Variants in CDK8 observed in about 807,000 individuals in gnomAD.
CDK8 encodes cyclin dependent kinase 8, also known as cyclin-dependent kinase 8.
Under a neutral mutation model 71.5 loss-of-function variants are expected in CDK8, and 29 were observed. The observed-to-expected ratio is 0.41, with a 90% CI of 0.30 to 0.55. CDK8 has a LOEUF of 0.55. Among genes scored for constraint, CDK8 ranks in the 20% least tolerant of loss-of-function variants. CDK8 has a pLI of 0.37. For missense variants in CDK8, 288 were observed against 572.6 expected, an observed-to-expected ratio of 0.50 and a Z score of 5.07; for synonymous variants, 161 against 192.1, an observed-to-expected ratio of 0.84 and a Z score of 1.34.
At chr13:26,285,370 TG>T (rs1201037464) in intron 1 of CDK8, among the ~76,000 whole-genome samples, 1 of 152,218 alleles carries the variant, frequency 6.6e-6, no homozygotes, top group Non-Finnish European at 1.5e-5. Context: ...AGTCAATAAA[TG>T]TGATCCATCA....
intron 1 of CDK8, among the ~76,000 whole-genome samples, chr13:26,311,511 ATTACT>A (rs1874283163): frequency 6.6e-6 from 1 of 152,234 alleles, no homozygotes; most frequent in Non-Finnish European, 1.5e-5. Context: ...TTCTAGTTAC[ATTACT>A]CTAGCCACAG....
At chr13:26,309,221 G>C (rs1184656) in intron 1 of CDK8, among the ~76,000 whole-genome samples, 1 of 150,860 alleles carries the variant, frequency 6.6e-6, no homozygotes, top group African/African-American at 2.4e-5. Context: ...CTCACTGCAA[G>C]CTCCGCCTCC....
chr13:26,365,068 G>A (rs1874324813), intron 4 of CDK8, among the ~76,000 whole-genome samples: 1 of 152,110 alleles, frequency 6.6e-6, no homozygotes, highest in African/African-American at 2.4e-5. Context: ...CATGACTTGA[G>A]ATTTGCTTCG....
chr13:26,352,784 C>T (rs1593282575), intron 3 of CDK8, among the ~76,000 whole-genome samples: 1 of 152,170 alleles, frequency 6.6e-6, no homozygotes, highest in Non-Finnish European at 1.5e-5. Context: ...CTCCTTTATT[C>T]ATTAATCATT....
chr13:26,291,782 C>T (rs1449962539), intron 1 of CDK8, among the ~76,000 whole-genome samples: 2 of 152,146 alleles, frequency 1.3e-5, no homozygotes, highest in East Asian at 3.8e-4. Context: ...AACTTTCTTT[C>T]CCCATCTTCA....
At chr13:26,310,391 A>G (rs548743056) in intron 1 of CDK8, among the ~76,000 whole-genome samples, 2 of 152,134 alleles carry the variant, frequency 1.3e-5, no homozygotes, top group South Asian at 2.1e-4. Flanking sequence ...CCATGGACCA[A>G]TGGGGGCGAG....
chr13:26,273,078 C>T (rs1872404491), intron 1 of CDK8, among the ~76,000 whole-genome samples: 1 of 152,084 alleles, frequency 6.6e-6, no homozygotes, highest in Admixed American at 6.6e-5. Flanking sequence ...TATGTTTTTT[C>T]CTAAGAGTTT....
At chr13:26,345,267 C>G (rs1053671730) in intron 2 of CDK8, among the ~76,000 whole-genome samples, 2 of 152,184 alleles carry the variant, frequency 1.3e-5, no homozygotes, top group Non-Finnish European at 2.9e-5. Context: ...CACTATTACT[C>G]ACTACTCTGG....
rs58160694 is a variant in CDK8, at chr13:26,271,806, CTTTTTTTTTTTTTTTTTTT to C, written c.128+17055_128+17073del. Reference sequence around the variant, plus strand: ...CCTGGGGGACAGAGTGAGACCCTGTCTTTTTTTTTTTTTTTTTTTTTTTTTTTTTTTTTTTTAAGAGAGA... The same window carrying C: ...CCTGGGGGACAGAGTGAGACCCTGTCTTTTTTTTTTTTTTTTTAAGAGAGA... On this transcript the variant is annotated intron_variant, in intron 1 of 12. Coordinates refer to ENST00000381527, the MANE Select transcript of CDK8 (RefSeq NM_001260.3). Among the ~76,000 whole-genome samples the C allele has an allele frequency of 6.0e-3, 373 of 62,686 alleles. 5 individuals carry two copies. Among genetic ancestry groups the C allele is most frequent in the African/African-American group, 0.029 (330 of 11,566 alleles). 41.1% of individuals were successfully genotyped at this position (62,686 alleles called of 152,430 possible).
At chr13:26,363,535 T>G (rs977829288) in intron 4 of CDK8, among the ~76,000 whole-genome samples, 3 of 151,992 alleles carry the variant, frequency 2.0e-5, no homozygotes, top group African/African-American at 4.8e-5. Flanking sequence ...TTTGTTTGTT[T>G]GTTTTTGGTA....
At chr13:26,337,723 CAT>C in intron 2 of CDK8, 81 bp downstream of exon 2, 2 of 518,402 alleles carry the variant, frequency 3.9e-6, no homozygotes, top group East Asian at 3.3e-5. Flanking sequence ...TTGTATTTGT[CAT>C]ATTAATTGAA....
At chr13:26,301,959 G>T (rs994628382) in intron 1 of CDK8, among the ~76,000 whole-genome samples, 1 of 152,168 alleles carries the variant, frequency 6.6e-6, no homozygotes, top group Non-Finnish European at 1.5e-5. Context: ...GTTTTTGCTT[G>T]CATATTACAT....
intron 6 of CDK8, among the ~76,000 whole-genome samples, chr13:26,388,579 G>A (rs1875590630): frequency 6.6e-6 from 1 of 152,098 alleles, no homozygotes; most frequent in Non-Finnish European, 1.5e-5. Flanking sequence ...CCTGAGACTT[G>A]AATTTATTTA....
At chr13:26,293,261 T>C (rs1873385818) in intron 1 of CDK8, among the ~76,000 whole-genome samples, 1 of 152,228 alleles carries the variant, frequency 6.6e-6, no homozygotes, top group South Asian at 2.1e-4. Flanking sequence ...ATTTCATGGA[T>C]GCAGTAGCTT....
chr13:26,300,116 G>T (rs986965682), intron 1 of CDK8, among the ~76,000 whole-genome samples: 8 of 152,088 alleles, frequency 5.3e-5, no homozygotes, highest in African/African-American at 1.9e-4. Context: ...GGTTTGAACG[G>T]TGTGTAATCT....
At chr13:26,300,156 A>G (rs912389702) in intron 1 of CDK8, among the ~76,000 whole-genome samples, 1 of 152,180 alleles carries the variant, frequency 6.6e-6, no homozygotes, top group Non-Finnish European at 1.5e-5. Context: ...CCTCCTTAGG[A>G]TAAATCATGC....
At chr13:26,300,702 T>C (rs1873784205) in intron 1 of CDK8, among the ~76,000 whole-genome samples, 2 of 152,206 alleles carry the variant, frequency 1.3e-5, no homozygotes, top group East Asian at 1.9e-4. Flanking sequence ...CTTGAGGTAC[T>C]AGTTGAGGAC....
At position 26,401,052 on chromosome 13, in the gene CDK8, G is replaced by A. The variant is rs192138028; in HGVS notation, c.1032-217G>A. On this transcript the variant is annotated intron_variant, in intron 10 of 12. Coordinates refer to ENST00000381527, the MANE Select transcript of CDK8 (RefSeq NM_001260.3). The surrounding 1 kb of genome is among the most constrained non-coding windows in gnomAD (Gnocchi z 4.5). ...AGCTGAATCATACTCGATGATTATT[G>A]ATCATTTGTATACAGCTCAAGCCCT... 6.6e-6 allele frequency among the ~76,000 whole-genome samples: 1 copy of A among 152,280 alleles called. No homozygotes were observed. Among genetic ancestry groups the A allele is most frequent in the East Asian group, 1.9e-4 (1 of 5,174 alleles).
At chr13:26,343,854 A>G (rs948060630) in intron 2 of CDK8, among the ~76,000 whole-genome samples, 1 of 152,166 alleles carries the variant, frequency 6.6e-6, no homozygotes, top group Admixed American at 6.5e-5. Flanking sequence ...AAAAATTTGT[A>G]TTCTTATTCT....
Sources: allele counts gnomAD v4.1 joint callset (sites outside exome capture counted in the v4.1 genomes callset), GRCh38; gene constraint gnomAD v4.1.1; non-coding constraint Gnocchi (gnomAD v3.1); transcripts MANE v1.5; gene names NCBI Gene and HGNC (gene_info 2026-07-23, HGNC 2026-07-21).